CDON: variants seen among roughly 807,000 people sequenced by gnomAD.
CDON encodes cell adhesion molecule-related/down-regulated by oncogenes.
Under a neutral mutation model 120.9 loss-of-function variants are expected in CDON, and 73 were observed. The ratio of observed to expected loss-of-function variants is 0.60; its 90% CI spans 0.50 to 0.73. The LOEUF (loss-of-function observed/expected upper bound fraction) is 0.73. Among genes scored for constraint, CDON ranks in the 30% least tolerant of loss-of-function variants. The pLI is 0.00. For missense variants in CDON, 1,470 were observed against 1,587.3 expected (o/e 0.93, Z 1.26); for synonymous variants, 566 against 573.5 (o/e 0.99, Z 0.19).
Position 125,981,315 on chromosome 11 carries a change from C to T in CDON, c.3010G>A (p.Gly1004Arg), listed in dbSNP as rs1030948897. 3 of 1,613,300 alleles carry T rather than the reference C, an allele frequency of 1.9e-6. No individual in the cohort carries two copies. Among genetic ancestry groups the T allele is most frequent in the Non-Finnish European group, 2.5e-6 (3 of 1,180,018 alleles). ...ATATCTGATCCTTGGTAGAGATATC[C>T]TGGTGGGTCATATTCTGTTAAAAGA... ...QNTIQKYDPP[G>R]YLYQGSDMNG... The change falls in exon 17 of 20, where the codon GGA becomes AGA. Residue 1004 changes from glycine to arginine, a missense_variant. Physicochemically the swap from Gly to Arg is moderately radical, Grantham distance 125. Transcript: ENST00000531738.
intron 15 of CDON, among the ~76,000 whole-genome samples, chr11:125,985,956 C>T (rs1312836541): frequency 1.3e-5 from 2 of 152,078 alleles, no homozygotes; most frequent in Non-Finnish European, 2.9e-5. Context: ...CCCAGCAATC[C>T]CATTACTGGG....
intron 18 of CDON, among the ~76,000 whole-genome samples, chr11:125,971,331 C>T (rs939061023): frequency 2.0e-5 from 3 of 151,558 alleles, no homozygotes; most frequent in Non-Finnish European, 2.9e-5. Flanking sequence ...TGCAGTGAGC[C>T]GAGATCGCAC....
chr11:125,978,524 A>C lies in CDON; in HGVS notation c.3277-141T>G, dbSNP rs636641. 0.24 allele frequency: 163,814 copies of C among 686,328 alleles called. 20,686 individuals carry two copies. The highest frequency in any genetic ancestry group is 0.3 in the African/African-American group (17,216 of 56,762). The allele number at this position is 686,328 out of a possible 1,614,324, so 42.5% of individuals were successfully genotyped here. A position where few individuals can be genotyped will look rare whatever the true frequency, so the allele number is the denominator to read the frequency against. On this transcript the variant is annotated intron_variant, in intron 17 of 19. Coordinates refer to ENST00000531738, the MANE Select transcript of CDON (RefSeq NM_001378964.1). ...ACACAGTATATTCTAACCAACTCCC[A>C]GAGCAACGTCATTGTGAATATCACT...
Position 125,983,785 on chromosome 11 carries a change from AAC to A in CDON, c.2995+85_2995+86del, listed in dbSNP as rs1472588821. On this transcript the variant is annotated intron_variant, in intron 16 of 19. Coordinates refer to ENST00000531738, the MANE Select transcript of CDON (RefSeq NM_001378964.1). ...GTTTCATACCATGACACTAATATAC[AAC>A]AGTGTTAGAAATCAATATTTATTCT... 49 of 968,834 alleles carry A rather than the reference AAC, an allele frequency of 5.1e-5. 1 individual carries two copies. The highest frequency in any genetic ancestry group is 6.4e-5 in the Non-Finnish European group (39 of 613,616). 60.0% of individuals were successfully genotyped at this position (968,834 alleles called of 1,614,324 possible).
chr11:126,061,285 C>T (rs80170345), intron 1 of CDON, among the ~76,000 whole-genome samples: 164 of 152,324 alleles, frequency 1.1e-3, no homozygotes, highest in African/African-American at 3.8e-3. Context: ...TTCATTCCAA[C>T]ATGTGCATAA....
rs1305815122 is a variant in CDON at position 125,961,730 on chromosome 11, T to C, written c.3625A>G (p.Ser1209Gly). The C allele has an allele frequency of 6.2e-7, 1 of 1,614,078 alleles. No homozygotes were observed. Among genetic ancestry groups the C allele is most frequent in the Non-Finnish European group, 8.5e-7 (1 of 1,180,012 alleles). Residue 1209 changes from serine (S) to glycine (G), a missense_variant, in exon 19 of 20, where the codon AGC becomes GGC. Physicochemically the swap from Ser to Gly is moderately conservative, Grantham distance 56. Transcript: ENST00000531738. ...SDGSEDPAEF[S>G]RGDSCAHSET... ...TTGATCATGCCTTCCTGACCTCTGCTGAACTCTGCTGGATCTTCTGAGCCA... is the reference window on the plus strand; with the variant it reads ...TTGATCATGCCTTCCTGACCTCTGCCGAACTCTGCTGGATCTTCTGAGCCA...
chr11:126,017,581 T>A (rs1947507706), intron 5 of CDON, among the ~76,000 whole-genome samples: 1 of 152,152 alleles, frequency 6.6e-6, no homozygotes, highest in South Asian at 2.1e-4. Context: ...AAATGCAGAA[T>A]TCCCAACAAG....
chr11:126,007,946 T>C (rs1947174444), intron 8 of CDON, among the ~76,000 whole-genome samples: 1 of 152,216 alleles, frequency 6.6e-6, no homozygotes, highest in African/African-American at 2.4e-5. Context: ...TAAGGTAGAA[T>C]GTTTTTTGAA....
chr11:126,013,469 T>G (rs1400025779), intron 7 of CDON, among the ~76,000 whole-genome samples: 1 of 152,218 alleles, frequency 6.6e-6, no homozygotes, highest in Non-Finnish European at 1.5e-5. Context: ...TAACTCCTAA[T>G]TCAACTTCTT....
chr11:126,029,964 A>G (rs940496706), intron 1 of CDON, among the ~76,000 whole-genome samples: 20 of 152,330 alleles, frequency 1.3e-4, no homozygotes, highest in Non-Finnish European at 2.9e-5. Context: ...CTTATTGCTC[A>G]ATGCTGTAAA....
At chr11:126,045,615 A>G (rs985333844) in intron 1 of CDON, among the ~76,000 whole-genome samples, 13 of 152,162 alleles carry the variant, frequency 8.5e-5, no homozygotes, top group Admixed American at 2.0e-4. Context: ...ATTATATGAG[A>G]TTAAAAATAA....
chr11:126,049,781 G>A (rs1049966178), intron 1 of CDON, among the ~76,000 whole-genome samples: 5 of 152,066 alleles, frequency 3.3e-5, no homozygotes, highest in African/African-American at 1.2e-4. Context: ...CAATATAATC[G>A]GCCCCATTTT....
chr11:125,991,510 A>C (rs967208223), intron 14 of CDON, among the ~76,000 whole-genome samples: 24 of 152,334 alleles, frequency 1.6e-4, no homozygotes, highest in African/African-American at 5.3e-4. Context: ...TGCTGGAAAC[A>C]TTTATAGTTT....
intron 1 of CDON, among the ~76,000 whole-genome samples, chr11:126,043,706 C>G (rs1285946407): frequency 6.6e-6 from 1 of 152,250 alleles, no homozygotes; most frequent in African/African-American, 2.4e-5. Flanking sequence ...CCATACACAG[C>G]TTCCTAAGCA....
At position 126,021,515 on chromosome 11, in the gene CDON, C is replaced by T. The variant is rs377413373; in HGVS notation, c.82G>A (p.Ala28Thr). 9 of 1,613,454 alleles carry T rather than the reference C, an allele frequency of 5.6e-6. No individual in the cohort carries two copies. Among genetic ancestry groups the T allele is most frequent in the Non-Finnish European group, 6.8e-6 (8 of 1,179,812 alleles). The part of the protein sequence containing the change: ...ILCSSVSSDL[A>T]PYFTSEPLSA... Reference sequence around the variant, plus strand: ...AGCGGCTCAGAAGTAAAATAAGGTGCCAAGTCTACAAGGGAATATTCCCCA... The same window carrying T: ...AGCGGCTCAGAAGTAAAATAAGGTGTCAAGTCTACAAGGGAATATTCCCCA... The change falls in exon 3 of 20, where the codon GCA (alanine) becomes ACA (threonine). Residue 28 changes from alanine (A) to threonine (T), a missense_variant. Ala to Thr is a moderately conservative substitution (Grantham distance 58). Coordinates refer to ENST00000531738, the MANE Select transcript of CDON (RefSeq NM_001378964.1).
intron 18 of CDON, among the ~76,000 whole-genome samples, chr11:125,969,931 A>G (rs1316850084): frequency 6.6e-6 from 1 of 152,232 alleles, no homozygotes; most frequent in Admixed American, 6.5e-5. Flanking sequence ...GCACCTCTGA[A>G]ATATTTTCTA....
chr11:126,030,735 T>G (rs1947921252), intron 1 of CDON, among the ~76,000 whole-genome samples: 1 of 152,216 alleles, frequency 6.6e-6, no homozygotes, highest in Admixed American at 6.5e-5. Context: ...CTATCAAGAT[T>G]AGTGCAGTCC....
intron 8 of CDON, among the ~76,000 whole-genome samples, chr11:126,008,778 T>C (rs1380875880): frequency 6.6e-6 from 1 of 152,214 alleles, no homozygotes; most frequent in Non-Finnish European, 1.5e-5. Flanking sequence ...GCACATTCAT[T>C]TATAGGTGCA....
At chr11:125,984,574 G>A (rs371480218) in intron 15 of CDON, among the ~76,000 whole-genome samples, 3 of 151,988 alleles carry the variant, frequency 2.0e-5, no homozygotes, top group East Asian at 3.9e-4. Context: ...GTGGGTGCCT[G>A]TAATCCCAGC....
Sources: allele counts gnomAD v4.1 joint callset (sites outside exome capture counted in the v4.1 genomes callset), GRCh38; gene constraint gnomAD v4.1.1; transcripts MANE v1.5; gene names NCBI Gene and HGNC (gene_info 2026-07-23, HGNC 2026-07-21).